MED26: variants seen among roughly 807,000 people sequenced by gnomAD.
MED26 encodes mediator complex subunit 26.
Under a neutral mutation model 43.7 loss-of-function variants are expected in MED26, and 7 were observed. The ratio of observed to expected loss-of-function variants is 0.16; its 90% CI spans 0.09 to 0.30. The LOEUF (loss-of-function observed/expected upper bound fraction) is 0.30, where lower values mean the gene tolerates loss of function less well. Ranked by LOEUF, MED26 falls within the 10% of genes least tolerant of loss-of-function variation. The pLI, the probability that MED26 is intolerant of heterozygous loss-of-function variation, is 1.00. For synonymous variants in MED26, 375 were observed against 371.1 expected, an observed-to-expected ratio of 1.01 and a Z score of -0.12; for missense variants, 784 against 840.6, an observed-to-expected ratio of 0.93 and a Z score of 0.83.
intron 1 of MED26, among the ~76,000 whole-genome samples, chr19:16,613,483 T>C (rs2086208998): frequency 1.3e-5 from 2 of 151,802 alleles, no homozygotes; most frequent in Admixed American, 6.6e-5. Context: ...ACTTCCGAGG[T>C]GGAAAAAGAC....
At chr19:16,595,716 C>T (rs2086117293) in intron 1 of MED26, among the ~76,000 whole-genome samples, 1 of 152,224 alleles carries the variant, frequency 6.6e-6, no homozygotes, top group South Asian at 2.1e-4. Flanking sequence ...AATTATATCA[C>T]TGCATCACAG....
In MED26 at chr19:16,580,202, G is replaced by A. The variant is rs144706264; in HGVS notation, c.73-1793C>T. Among the ~76,000 whole-genome samples, 474 of 152,250 alleles carry A rather than the reference G, an allele frequency of 3.1e-3. 3 individuals carry two copies. The highest frequency in any genetic ancestry group is 5.0e-3 in the Non-Finnish European group (337 of 68,022). On this transcript the variant is annotated intron_variant, in intron 1 of 2. Transcript: ENST00000263390. ...GGCCACATCCTTGCCAAGACTGCGT[G>A]GCAAGAGTTTCCGTAACACATGATT...
chr19:16,596,008 T>C (rs999297978), intron 1 of MED26, among the ~76,000 whole-genome samples: 3 of 152,210 alleles, frequency 2.0e-5, no homozygotes, highest in Admixed American at 2.0e-4. Flanking sequence ...CTGCCTCAAC[T>C]TTTTTCTTTT....
chr19:16,597,307 C>T, intron 1 of MED26: 1 of 397,792 alleles, frequency 2.5e-6, no homozygotes, highest in Non-Finnish European at 4.4e-6. Flanking sequence ...ACAGGCAGTG[C>T]AGGACCCATT....
intron 1 of MED26, among the ~76,000 whole-genome samples, chr19:16,609,633 G>A (rs1237723802): frequency 6.6e-6 from 1 of 151,680 alleles, no homozygotes; most frequent in East Asian, 1.9e-4. Flanking sequence ...CTTAGTATAT[G>A]CCTTATGTAA....
intron 1 of MED26, among the ~76,000 whole-genome samples, chr19:16,604,750 G>A (rs544133934): frequency 2.0e-5 from 3 of 152,318 alleles, no homozygotes; most frequent in East Asian, 3.9e-4. Context: ...GTCTTGATAA[G>A]ATGCACAGTC....
chr19:16,616,956 A>C (rs2086229012), intron 1 of MED26, among the ~76,000 whole-genome samples: 1 of 152,100 alleles, frequency 6.6e-6, no homozygotes, highest in Non-Finnish European at 1.5e-5. Flanking sequence ...TGGCGTGACA[A>C]ACACAACAGG....
In MED26 at chr19:16,577,509, GC is replaced by G; in HGVS notation, c.320del (p.Gly107AlafsTer21). On this transcript the variant is annotated frameshift_variant, in exon 3 of 3. Transcript: ENST00000263390. LOFTEE classifies it high-confidence loss of function. The surrounding 1 kb of genome is among the most constrained non-coding windows in gnomAD (Gnocchi z 8.1). ...CCACCTCCGGCCGGCAGTTGTGTGC[GC>G]CCCCGTTGGCAGAGCCGGTGGCCCC... is the stretch of plus-strand genomic sequence containing the variant. ...LAGATGSANGGAHNCRPEVGA... is the reference protein window; with the variant it reads ...LAGATGSANGXAHNCRPEVGA... The G allele has an allele frequency of 6.3e-7, 1 of 1,596,804 alleles. No homozygotes were observed.
At chr19:16,600,524 G>A (rs2122419590) in intron 1 of MED26, among the ~76,000 whole-genome samples, 1 of 152,176 alleles carries the variant, frequency 6.6e-6, no homozygotes, top group Non-Finnish European at 1.5e-5. Flanking sequence ...GACCCCAGAG[G>A]CCCTGTGAGG....
intron 1 of MED26, among the ~76,000 whole-genome samples, chr19:16,617,662 A>C (rs2122451972): frequency 6.6e-6 from 1 of 152,288 alleles, no homozygotes; most frequent in Admixed American, 6.5e-5. Flanking sequence ...AGCTCAGCTC[A>C]GTGTTTAGAG....
intron 1 of MED26, among the ~76,000 whole-genome samples, chr19:16,593,994 G>T (rs773588816): frequency 6.6e-6 from 1 of 152,170 alleles, no homozygotes; most frequent in Non-Finnish European, 1.5e-5. Flanking sequence ...TACCTTCTTG[G>T]CAATCCTAAA....
chr19:16,623,431 G>A (rs914316300), intron 1 of MED26, among the ~76,000 whole-genome samples: 1 of 152,200 alleles, frequency 6.6e-6, no homozygotes, highest in Non-Finnish European at 1.5e-5. Flanking sequence ...CTGCTTTTCT[G>A]CAGAATAAAT....
intron 1 of MED26, among the ~76,000 whole-genome samples, chr19:16,626,941 A>C (rs1424730575): frequency 5.8e-5 from 6 of 103,680 alleles, no homozygotes; most frequent in Admixed American, 1.1e-4. Context: ...CCCCGCAACA[A>C]CACACACACA....
At chr19:16,604,765 T>C (rs1306467383) in intron 1 of MED26, among the ~76,000 whole-genome samples, 2 of 152,238 alleles carry the variant, frequency 1.3e-5, no homozygotes, top group Non-Finnish European at 2.9e-5. Flanking sequence ...ACAGTCACCC[T>C]AGCTACAGGG....
At position 16,627,932 on chromosome 19, in the gene MED26, A is replaced by C; in HGVS notation, c.12T>G (p.Ala4=). Residue 4 remains alanine, a synonymous_variant, in exon 1 of 3, where the codon GCT becomes GCG. Transcript: ENST00000263390. MTA[A]PASPQQIRDR... ...CCCTGATCTGCTGCGGAGACGCCGG[A>C]GCCGCTGTCATTGCCTGGGCGAGGC... The C allele has an allele frequency of 6.7e-7, 1 of 1,484,786 alleles. No individual in the cohort carries two copies. 92.0% of individuals were successfully genotyped at this position (1,484,786 alleles called of 1,614,324 possible). A position where few individuals can be genotyped will look rare whatever the true frequency, so the allele number is the denominator to read the frequency against.
chr19:16,591,776 G>A (rs763242706), intron 1 of MED26, among the ~76,000 whole-genome samples: 11 of 152,214 alleles, frequency 7.2e-5, no homozygotes, highest in Non-Finnish European at 1.5e-4. Context: ...CCTGAAAGTA[G>A]CCACGGTGCG....
In MED26 at chr19:16,586,153, A is replaced by G. The variant is rs961706925; in HGVS notation, c.73-7744T>C. 6.6e-6 allele frequency among the ~76,000 whole-genome samples: 1 copy of G among 152,224 alleles called. No individual in the cohort carries two copies. Among genetic ancestry groups the G allele is most frequent in the African/African-American group, 2.4e-5 (1 of 41,474 alleles). ...GTGCTGCCCAAGGTCTGACCAACCA[A>G]TAGTCCCAAGGGTGCTGAGCCTGGG... On this transcript the variant is annotated intron_variant, in intron 1 of 2. Coordinates refer to ENST00000263390, the MANE Select transcript of MED26 (RefSeq NM_004831.5). This position sits in a 1 kb window ranked among gnomAD's most constrained non-coding sequence, Gnocchi z 5.1.
intron 1 of MED26, chr19:16,588,332 A>T (rs945634979): frequency 2.0e-5 from 3 of 152,306 alleles, no homozygotes; most frequent in African/African-American, 7.2e-5. Context: ...CTCGGCCCAT[A>T]TATGTTCCGC....
chr19:16,602,404 G>T (rs1489953865), intron 1 of MED26, among the ~76,000 whole-genome samples: 1 of 152,110 alleles, frequency 6.6e-6, no homozygotes. Context: ...CCCCTCAACT[G>T]TCATGAATGG....
Sources: gnomAD v4.1 joint callset for allele counts (sites outside exome capture counted in the v4.1 genomes callset) on GRCh38, gnomAD v4.1.1 for gene constraint, Gnocchi (gnomAD v3.1) non-coding constraint, MANE v1.5 for transcripts, NCBI Gene and HGNC (gene_info 2026-07-23, HGNC 2026-07-21) for gene names.